The following ZC3H12B variants were observed in gnomAD, a reference collection of about 807,000 sequenced individuals.
The protein encoded by ZC3H12B is zinc finger CCCH-type containing 12B.
A neutral mutation model predicts 43.9 loss-of-function variants in ZC3H12B; 7 were observed. That is an observed-to-expected ratio of 0.16 (90% confidence interval 0.09 to 0.30). The LOEUF (loss-of-function observed/expected upper bound fraction) is 0.30. ZC3H12B is among the 10% of genes least tolerant of loss of function. ZC3H12B has a pLI of 1.00. For synonymous variants in ZC3H12B, 222 were observed against 241.7 expected, an observed-to-expected ratio of 0.92 and a Z score of 0.76; for missense variants, 475 against 670.2, an observed-to-expected ratio of 0.71 and a Z score of 3.22.
At chrX:65,488,963 C>G in exon 1 of ZC3H12B, 4 of 1,210,667 alleles carry the variant, frequency 3.3e-6, no homozygotes, top group Non-Finnish European at 4.5e-6. Flanking sequence ...TTAAGAGTAG[C>G]GACAACAGCA....
rs2067517255 is a variant in ZC3H12B at position 65,451,785 on chromosome X, TG to T, written n.408-36858del. Among the ~76,000 whole-genome samples the T allele has an allele frequency of 3.6e-5, 4 of 112,051 alleles. No individual in the cohort carries two copies. In the Admixed American group the frequency reaches 3.8e-4, roughly 11 times the overall value. On this transcript the variant is annotated intron_variant and non_coding_transcript_variant, in intron 3 of 5. Transcript: ENST00000617377. ...ATTTTTAGAAGAGATACATCTTCTC[TG>T]GGTTTGTGCGTTTAATTTCCTTATT...
chrX:65,133,997 C>A, the ZC3H12B span, among the ~76,000 whole-genome samples: 1 of 110,782 alleles, frequency 9.0e-6, no homozygotes, highest in Admixed American at 9.6e-5. Flanking sequence ...TATTTAGAAC[C>A]ATTATCGAGT....
chrX:65,373,999 ATATATATATAACTATATATACAG>A (rs1244206271), intron 2 of ZC3H12B, among the ~76,000 whole-genome samples: 83 of 48,844 alleles, frequency 1.7e-3, no homozygotes, highest in Non-Finnish European at 2.2e-3. Context: ...TATATATAGT[ATATATATATAACTATATATACAG>A]TATATATATA....
chrX:65,454,827 C>T lies in ZC3H12B; in HGVS notation n.408-33819C>T, dbSNP rs758235306. The stretch of plus-strand genomic sequence containing the variant: ...GCAACATTTGCTGTTCACCAATATC[C>T]GCTGTTCTGCAGCCTCCACTGCTGA... On this transcript the variant is annotated intron_variant and non_coding_transcript_variant, in intron 3 of 5. Transcript: ENST00000617377. Among the ~76,000 whole-genome samples, 244 of 111,735 alleles carry T rather than the reference C, an allele frequency of 2.2e-3. 1 individual carries two copies. The highest frequency in any genetic ancestry group is 7.4e-3 in the African/African-American group (229 of 30,744).
chrX:65,335,815 C>T, the ZC3H12B span, among the ~76,000 whole-genome samples: 1 of 111,834 alleles, frequency 8.9e-6, no homozygotes, highest in African/African-American at 3.2e-5. Context: ...ACATGAACCC[C>T]AAAATTCCTG....
At chrX:65,254,298 C>A in the ZC3H12B span, among the ~76,000 whole-genome samples, 1 of 112,593 alleles carries the variant, frequency 8.9e-6, no homozygotes, top group Non-Finnish European at 1.9e-5. Flanking sequence ...TGACTGTCAC[C>A]AGCCATTGCA....
chrX:65,174,357 A>T, the ZC3H12B span, among the ~76,000 whole-genome samples: 1 of 112,361 alleles, frequency 8.9e-6, no homozygotes, highest in Non-Finnish European at 1.9e-5. Flanking sequence ...TGAAACTTTT[A>T]TCTAAATTTC....
the ZC3H12B span, among the ~76,000 whole-genome samples, chrX:65,153,780 T>G: frequency 5.4e-5 from 6 of 111,035 alleles, no homozygotes; most frequent in South Asian, 3.8e-4. Flanking sequence ...CACATGCACA[T>G]GTATGTTTAT....
At chrX:65,155,577 G>A in the ZC3H12B span, among the ~76,000 whole-genome samples, 1 of 111,808 alleles carries the variant, frequency 8.9e-6, no homozygotes, top group Non-Finnish European at 1.9e-5. Context: ...TGGGAGCCAG[G>A]CATGATGGCT....
intron 3 of ZC3H12B, among the ~76,000 whole-genome samples, chrX:65,439,341 C>A (rs931030298): frequency 1.2e-4 from 13 of 111,677 alleles, no homozygotes; most frequent in Non-Finnish European, 3.8e-5. Context: ...ACCATCTTAC[C>A]ATTTTGTTCA....
chrX:65,107,894 C>T, the ZC3H12B span, among the ~76,000 whole-genome samples: 2 of 111,404 alleles, frequency 1.8e-5, no homozygotes, highest in Non-Finnish European at 3.8e-5. Flanking sequence ...TAATACAAGT[C>T]TATTACACAA....
the ZC3H12B span, among the ~76,000 whole-genome samples, chrX:65,282,510 A>G: frequency 1.8e-5 from 2 of 111,661 alleles, no homozygotes; most frequent in East Asian, 2.8e-4. Context: ...ACTCAAAAAA[A>G]TCCTTCAAAA....
chrX:65,500,334 G>A (rs1159786635), intron 4 of ZC3H12B, among the ~76,000 whole-genome samples: 1 of 112,392 alleles, frequency 8.9e-6, no homozygotes, highest in African/African-American at 3.2e-5. Context: ...ACTGAGTTTG[G>A]CCCCAAGATG....
the ZC3H12B span, among the ~76,000 whole-genome samples, chrX:65,361,451 C>T: frequency 8.9e-6 from 1 of 112,150 alleles, no homozygotes; most frequent in African/African-American, 3.2e-5. Context: ...ATAATGCCTT[C>T]AAATTGGAAC....
the ZC3H12B span, among the ~76,000 whole-genome samples, chrX:65,111,360 G>T: frequency 9.0e-6 from 1 of 110,644 alleles, no homozygotes; most frequent in Non-Finnish European, 1.9e-5. Context: ...GCTAGCTGTA[G>T]GCATTTTGTA....
chrX:65,203,386 G>A, the ZC3H12B span, among the ~76,000 whole-genome samples: 4 of 111,401 alleles, frequency 3.6e-5, no homozygotes, highest in African/African-American at 9.8e-5. Flanking sequence ...GCCCATGCAA[G>A]TACTGCCTGG....
chrX:65,055,780 A>G, the ZC3H12B span, among the ~76,000 whole-genome samples: 2 of 111,553 alleles, frequency 1.8e-5, no homozygotes, highest in Admixed American at 9.5e-5. Flanking sequence ...TTATTGGTCT[A>G]TTCAGAGATT....
At chrX:65,441,232 T>G (rs2067297302) in intron 3 of ZC3H12B, among the ~76,000 whole-genome samples, 1 of 111,920 alleles carries the variant, frequency 8.9e-6, no homozygotes, top group African/African-American at 3.2e-5. Context: ...AGTCCCAGGT[T>G]GTCCATCAGG....
the ZC3H12B span, among the ~76,000 whole-genome samples, chrX:65,058,953 G>A: frequency 2.7e-5 from 3 of 111,962 alleles, no homozygotes; most frequent in African/African-American, 6.5e-5. Flanking sequence ...GGAGTGACCC[G>A]ATTTTCCAGG....
Sources: allele counts gnomAD v4.1 joint callset (sites outside exome capture counted in the v4.1 genomes callset), GRCh38; gene constraint gnomAD v4.1.1; transcripts MANE v1.5; gene names NCBI Gene and HGNC (gene_info 2026-07-23, HGNC 2026-07-21).